The following PRKG1 variants were observed in gnomAD, a reference collection of about 807,000 sequenced individuals.
The protein encoded by PRKG1 is cGMP-dependent protein kinase 1.
Under a neutral mutation model 88.1 loss-of-function variants are expected in PRKG1, and 35 were observed. That is an observed-to-expected ratio of 0.40 (90% CI 0.30 to 0.53). The LOEUF (loss-of-function observed/expected upper bound fraction) is 0.53, where lower values mean the gene tolerates loss of function less well. Among genes scored for constraint, PRKG1 ranks in the 20% least tolerant of loss-of-function variants. PRKG1 has a pLI of 0.59. For missense variants in PRKG1, 540 were observed against 839.8 expected (o/e 0.64, Z 4.41); for synonymous variants, 303 against 292.5 (o/e 1.04, Z -0.37).
At chr10:51,736,139 G>T (rs1392240402) in intron 3 of PRKG1, among the ~76,000 whole-genome samples, 1 of 151,168 alleles carries the variant, frequency 6.6e-6, no homozygotes, top group South Asian at 2.1e-4. Flanking sequence ...CGATCCACCT[G>T]CCTTGGCTTC....
Position 52,293,910 on chromosome 10 carries a change from C to T in PRKG1, c.*10C>T. The T allele has an allele frequency of 6.3e-7, 1 of 1,597,956 alleles. No individual in the cohort carries two copies. The highest frequency in any genetic ancestry group is 8.6e-7 in the Non-Finnish European group (1 of 1,166,652). ...GGATATAGACTTCTAATGTATTTCT[C>T]TTACCTGCTTCTGCCTTGCTGAAGA... is the stretch of plus-strand genomic sequence containing the variant. On this transcript the variant is annotated 3_prime_UTR_variant, in exon 18 of 18. Coordinates refer to ENST00000373980, the MANE Select transcript of PRKG1 (RefSeq NM_006258.4).
chr10:51,164,040 G>A (rs931115403), intron 2 of PRKG1, among the ~76,000 whole-genome samples: 10 of 152,204 alleles, frequency 6.6e-5, no homozygotes, highest in African/African-American at 1.9e-4. Context: ...TTTGAAGAGA[G>A]CAGTGGTTCT....
At chr10:51,173,997 G>T (rs1392496857) in intron 2 of PRKG1, among the ~76,000 whole-genome samples, 1 of 151,838 alleles carries the variant, frequency 6.6e-6, no homozygotes, top group Non-Finnish European at 1.5e-5. Context: ...TTGTTCTCAA[G>T]AATGAGGGAG....
intron 2 of PRKG1, among the ~76,000 whole-genome samples, chr10:51,201,847 G>A (rs1469685472): frequency 6.6e-6 from 1 of 152,250 alleles, no homozygotes; most frequent in Non-Finnish European, 1.5e-5. Flanking sequence ...AGAAATAAAT[G>A]TCTGTTGTGT....
intron 4 of PRKG1, among the ~76,000 whole-genome samples, chr10:51,895,225 T>A (rs1412612830): frequency 1.3e-5 from 2 of 152,190 alleles, no homozygotes; most frequent in Non-Finnish European, 2.9e-5. Flanking sequence ...GCTGTTTTTC[T>A]TAGCAAGAGC....
At chr10:51,557,339 A>G (rs1313048501) in intron 3 of PRKG1, among the ~76,000 whole-genome samples, 1 of 145,588 alleles carries the variant, frequency 6.9e-6, no homozygotes, top group African/African-American at 2.4e-5. Context: ...ACCGGCATAC[A>G]CCACCACCCC....
At chr10:52,272,031 A>G (rs1220130413) in intron 11 of PRKG1, among the ~76,000 whole-genome samples, 1 of 152,088 alleles carries the variant, frequency 6.6e-6, no homozygotes, top group African/African-American at 2.4e-5. Context: ...CTGAATCTGT[A>G]AAGTTTAATC....
chr10:51,032,143 T>G (rs949626703), intron 1 of PRKG1, among the ~76,000 whole-genome samples: 13 of 152,114 alleles, frequency 8.5e-5, no homozygotes, highest in Non-Finnish European at 1.5e-4. Context: ...CAGCTGCCAG[T>G]GTCCTTGGAA....
intron 3 of PRKG1, among the ~76,000 whole-genome samples, chr10:51,635,303 G>C (rs1464021525): frequency 6.9e-6 from 1 of 144,628 alleles, no homozygotes; most frequent in African/African-American, 2.5e-5. Context: ...AAAAAAAAAA[G>C]AGGTTAGATA....
intron 2 of PRKG1, among the ~76,000 whole-genome samples, chr10:51,363,422 T>G (rs1171272549): frequency 6.6e-6 from 1 of 151,966 alleles, no homozygotes; most frequent in Non-Finnish European, 1.5e-5. Flanking sequence ...ATCAGCTGAT[T>G]CATTTCTTTG....
intron 2 of PRKG1, among the ~76,000 whole-genome samples, chr10:51,404,558 T>A (rs138783493): frequency 1.2e-4 from 19 of 152,350 alleles, no homozygotes; most frequent in Admixed American, 2.6e-4. Flanking sequence ...GGTAATAGCA[T>A]GATATTTTGC....
intron 3 of PRKG1, among the ~76,000 whole-genome samples, chr10:51,540,293 G>A (rs1055656081): frequency 3.3e-5 from 5 of 152,172 alleles, no homozygotes; most frequent in Non-Finnish European, 7.4e-5. Context: ...AATATATTCT[G>A]TTACAACTAT....
chr10:51,893,375 T>A (rs530520606), intron 4 of PRKG1, among the ~76,000 whole-genome samples: 2 of 152,190 alleles, frequency 1.3e-5, no homozygotes, highest in Admixed American at 1.3e-4. Flanking sequence ...ATTTGGCACC[T>A]TTTTTGAAAT....
At chr10:52,062,433 A>G in intron 6 of PRKG1, 104 bp from the exon 7 acceptor site, 1 of 677,658 alleles carries the variant, frequency 1.5e-6, no homozygotes, top group Admixed American at 3.8e-5. Flanking sequence ...TTCTTTATAA[A>G]AATAAGAAAA....
chr10:51,510,245 C>A (rs1841353033), intron 3 of PRKG1, among the ~76,000 whole-genome samples: 1 of 151,980 alleles, frequency 6.6e-6, no homozygotes, highest in African/African-American at 2.4e-5. Context: ...ACCTGTACAA[C>A]ATAATGTTTG....
intron 2 of PRKG1, among the ~76,000 whole-genome samples, chr10:51,230,506 A>G (rs778848631): frequency 6.6e-6 from 1 of 152,226 alleles, no homozygotes; most frequent in Non-Finnish European, 1.5e-5. Flanking sequence ...GGTTGTAAGA[A>G]TTAGATACAC....
chr10:51,427,450 G>A (rs1205571756), intron 2 of PRKG1, among the ~76,000 whole-genome samples: 1 of 152,162 alleles, frequency 6.6e-6, no homozygotes, highest in East Asian at 1.9e-4. Flanking sequence ...CAAAAGGCAT[G>A]TGTGCTGGGT....
chr10:51,252,619 G>T (rs938892186), intron 2 of PRKG1, among the ~76,000 whole-genome samples: 4 of 151,472 alleles, frequency 2.6e-5, no homozygotes, highest in Admixed American at 2.0e-4. Context: ...CATAATAATT[G>T]CCCTTATTGA....
At chr10:51,691,031 A>G (rs962986784) in intron 3 of PRKG1, among the ~76,000 whole-genome samples, 1 of 150,108 alleles carries the variant, frequency 6.7e-6, no homozygotes, top group Non-Finnish European at 1.5e-5. Flanking sequence ...TATGAATAAT[A>G]TATATCATAT....
Sources: allele counts gnomAD v4.1 joint callset (sites outside exome capture counted in the v4.1 genomes callset), GRCh38; gene constraint gnomAD v4.1.1; transcripts MANE v1.5; gene names NCBI Gene and HGNC (gene_info 2026-07-23, HGNC 2026-07-21).